KIAA1958: variants seen among roughly 807,000 people sequenced by gnomAD.
KIAA1958 encodes uncharacterized protein KIAA1958.
In KIAA1958, 14 loss-of-function variants were observed where a neutral mutation model predicts 47.2. The observed-to-expected ratio is 0.30, with a 90% CI of 0.20 to 0.46. KIAA1958 has a LOEUF of 0.46. Among genes scored for constraint, KIAA1958 ranks in the 20% least tolerant of loss-of-function variants. KIAA1958 has a pLI of 1.00. For missense variants in KIAA1958, 803 were observed against 909.2 expected (o/e 0.88, Z 1.50); for synonymous variants, 354 against 353.3 (o/e 1.00, Z -0.02).
chr9:112,625,911 A>G (rs1323031200), intron 2 of KIAA1958, among the ~76,000 whole-genome samples: 1 of 152,224 alleles, frequency 6.6e-6, no homozygotes, highest in Admixed American at 6.5e-5. Flanking sequence ...AAGAATATCA[A>G]TTCTAGTTAT....
chr9:112,576,201 T>C (rs1835642200), intron 2 of KIAA1958, among the ~76,000 whole-genome samples: 1 of 152,250 alleles, frequency 6.6e-6, no homozygotes, highest in Non-Finnish European at 1.5e-5. Context: ...TAGTATCAAC[T>C]TTAAGATTCC....
chr9:112,487,074 CCGCGCCGACCG>C lies in KIAA1958; in HGVS notation c.-66_-56del, dbSNP rs1833867434. On this transcript the variant is annotated 5_prime_UTR_variant, in exon 1 of 4. Transcript: ENST00000337530. Reference sequence around the variant, plus strand: ...GGCTGCCCGGCTCTCGCAGGCCCCCCCGCGCCGACCGCGTTCCTATGGACAGACGCACAGAC... The same window carrying C: ...GGCTGCCCGGCTCTCGCAGGCCCCCCCGTTCCTATGGACAGACGCACAGAC... The C allele has an allele frequency of 4.4e-6, 1 of 226,180 alleles. No homozygotes were observed. The highest frequency in any genetic ancestry group is 9.0e-6 in the Non-Finnish European group (1 of 110,918). The allele number at this position is 226,180 out of a possible 1,614,324, so 14.0% of individuals were successfully genotyped here.
At chr9:112,500,203 C>T (rs949648268) in intron 1 of KIAA1958, among the ~76,000 whole-genome samples, 2 of 151,914 alleles carry the variant, frequency 1.3e-5, no homozygotes, top group East Asian at 1.9e-4. Flanking sequence ...CTGGTTCCAG[C>T]GATTCTTGTG....
At chr9:112,506,110 T>C (rs1197354727) in intron 1 of KIAA1958, among the ~76,000 whole-genome samples, 1 of 152,124 alleles carries the variant, frequency 6.6e-6, no homozygotes, top group Non-Finnish European at 1.5e-5. Flanking sequence ...TTTGGTAAAA[T>C]CTGAAGTATG....
intron 2 of KIAA1958, among the ~76,000 whole-genome samples, chr9:112,604,895 A>G (rs1394410416): frequency 6.8e-6 from 1 of 148,110 alleles, no homozygotes; most frequent in East Asian, 1.9e-4. Flanking sequence ...CTATATATAT[A>G]TAATAAATAT....
In KIAA1958 at chr9:112,660,316, A is replaced by G. The variant is rs1837255121; in HGVS notation, c.*247A>G. 3.7e-6 allele frequency: 2 copies of G among 536,300 alleles called. No individual in the cohort carries two copies. The highest frequency in any genetic ancestry group is 6.1e-5 in the East Asian group (2 of 32,800). 33.2% of individuals were successfully genotyped at this position (536,300 alleles called of 1,614,324 possible). ...TCGTTAGCTTTTAGAATCTAACACAATGTATAATTGTTACATACAAGAGTG... is the reference window on the plus strand; with the variant it reads ...TCGTTAGCTTTTAGAATCTAACACAGTGTATAATTGTTACATACAAGAGTG... On this transcript the variant is annotated 3_prime_UTR_variant, in exon 4 of 4. Coordinates refer to ENST00000337530, the MANE Select transcript of KIAA1958 (RefSeq NM_133465.4).
intron 1 of KIAA1958, among the ~76,000 whole-genome samples, chr9:112,551,618 T>C (rs1032805060): frequency 4.6e-5 from 7 of 152,210 alleles, no homozygotes; most frequent in African/African-American, 1.7e-4. Context: ...TTTAGGGACA[T>C]AGTTTTTCTG....
chr9:112,565,874 G>A (rs989686876), intron 1 of KIAA1958, among the ~76,000 whole-genome samples: 2 of 152,142 alleles, frequency 1.3e-5, no homozygotes, highest in Non-Finnish European at 2.9e-5. Context: ...TATAATAAAA[G>A]CAACTTAATG....
intron 1 of KIAA1958, among the ~76,000 whole-genome samples, chr9:112,567,853 G>A (rs1835451730): frequency 6.6e-6 from 1 of 151,468 alleles, no homozygotes; most frequent in African/African-American, 2.4e-5. Context: ...AGCTACTTGG[G>A]AGGCTGAGGC....
At chr9:112,561,468 T>C (rs1313271050) in intron 1 of KIAA1958, among the ~76,000 whole-genome samples, 1 of 152,242 alleles carries the variant, frequency 6.6e-6, no homozygotes, top group Non-Finnish European at 1.5e-5. Context: ...TCATGACTGT[T>C]ATTAATGGCA....
chr9:112,550,281 A>G (rs894218036), intron 1 of KIAA1958, among the ~76,000 whole-genome samples: 1 of 152,236 alleles, frequency 6.6e-6, no homozygotes, highest in Non-Finnish European at 1.5e-5. Context: ...GAGAATAACT[A>G]TTCTAGCAAG....
intron 1 of KIAA1958, among the ~76,000 whole-genome samples, chr9:112,491,770 A>T (rs1222622493): frequency 2.0e-5 from 3 of 151,968 alleles, no homozygotes; most frequent in African/African-American, 7.3e-5. Flanking sequence ...GCTTCTCTGG[A>T]TTGTTTTTAG....
intron 2 of KIAA1958, among the ~76,000 whole-genome samples, chr9:112,580,532 A>G (rs1040945111): frequency 1.3e-5 from 2 of 152,220 alleles, no homozygotes; most frequent in African/African-American, 4.8e-5. Flanking sequence ...CATGCCTGTA[A>G]TCCCAACACT....
intron 2 of KIAA1958, among the ~76,000 whole-genome samples, chr9:112,604,528 A>G (rs936706453): frequency 1.3e-5 from 2 of 152,206 alleles, no homozygotes; most frequent in African/African-American, 4.8e-5. Flanking sequence ...AAGGTCACCT[A>G]TACCTTCTTT....
At position 112,521,961 on chromosome 9, in the gene KIAA1958, C is replaced by CTTTATTTATTTATTTATTTATTTA. The variant is rs146357893; in HGVS notation, c.-25+34847_-25+34870dup. ...GGCATAGAATTCTGGTTTTAAATAA[C>CTTTATTTATTTATTTATTTATTTA]TTTATTTATTTATTTATTTATTTAT... On this transcript the variant is annotated intron_variant, in intron 1 of 3. Transcript: ENST00000337530. 9.5e-4 allele frequency among the ~76,000 whole-genome samples: 140 copies of CTTTATTTATTTATTTATTTATTTA among 146,638 alleles called. 2 individuals carry two copies. Among genetic ancestry groups the CTTTATTTATTTATTTATTTATTTA allele is most frequent in the Non-Finnish European group, 1.3e-3 (86 of 66,838 alleles).
At position 112,575,164 on chromosome 9, in the gene KIAA1958, A is replaced by G; in HGVS notation, c.1084A>G (p.Asn362Asp). ...SCEVALSPSV[N>D]TEPEVSSSQQ... ...TGAGGTAGCCCTTTCTCCCTCAGTT[A>G]ACACAGAGCCAGAAGTGAGCTCCAG... Residue 362 changes from asparagine to aspartate, a missense_variant, in exon 2 of 4, where the codon AAC (asparagine) becomes GAC (aspartate). Transcript: ENST00000337530. The G allele has an allele frequency of 1.3e-6, 2 of 1,599,266 alleles. No individual in the cohort carries two copies. The highest frequency in any genetic ancestry group is 1.7e-6 in the Non-Finnish European group (2 of 1,179,378).
At chr9:112,631,464 G>C (rs1836704540) in intron 2 of KIAA1958, among the ~76,000 whole-genome samples, 1 of 148,010 alleles carries the variant, frequency 6.8e-6, no homozygotes, top group South Asian at 2.2e-4. Context: ...AAAGGAGATA[G>C]GGAATGCAGC....
At chr9:112,631,344 T>A (rs1405279715) in intron 2 of KIAA1958, among the ~76,000 whole-genome samples, 3 of 151,742 alleles carry the variant, frequency 2.0e-5, no homozygotes, top group African/African-American at 7.3e-5. Flanking sequence ...GCAGGCAGCA[T>A]AGTGAGACCC....
chr9:112,619,129 G>A (rs1011111439), intron 2 of KIAA1958: 2 of 324,074 alleles, frequency 6.2e-6, no homozygotes, highest in East Asian at 2.5e-4. Context: ...ATGTACTTGT[G>A]GGCGATCAAA....
Sources: gnomAD v4.1 joint callset for allele counts (sites outside exome capture counted in the v4.1 genomes callset) on GRCh38, gnomAD v4.1.1 for gene constraint, MANE v1.5 for transcripts, NCBI Gene and HGNC (gene_info 2026-07-23, HGNC 2026-07-21) for gene names.